The following ADGB variants were observed in gnomAD, a reference collection of about 807,000 sequenced individuals.
ADGB encodes the protein calpain-7-like protein.
A neutral mutation model predicts 210.5 loss-of-function variants in ADGB; 172 were observed. The observed-to-expected ratio is 0.82, with a 90% CI of 0.72 to 0.93. The LOEUF is 0.93. Among genes scored for constraint, ADGB ranks in the 40% least tolerant of loss-of-function variants. ADGB has a pLI of 0.00. For synonymous variants in ADGB, 658 were observed against 662.7 expected (o/e 0.99, Z 0.11); for missense variants, 2,025 against 1,964.8 (o/e 1.03, Z -0.58).
chr6:146,722,883 C>T (rs1381776329), intron 17 of ADGB, among the ~76,000 whole-genome samples: 1 of 152,174 alleles, frequency 6.6e-6, no homozygotes, highest in Non-Finnish European at 1.5e-5. Context: ...CCCTTGCATA[C>T]ACACGCACAC....
rs71031008 is a variant in ADGB at position 146,738,438 on chromosome 6, C to CTTT, written c.2888+1875_2888+1877dup. 2.2e-3 allele frequency among the ~76,000 whole-genome samples: 159 copies of CTTT among 71,390 alleles called. 7 individuals carry two copies. The highest frequency in any genetic ancestry group is 5.9e-3 in the African/African-American group (121 of 20,380). 46.8% of individuals were successfully genotyped at this position (71,390 alleles called of 152,430 possible). ...GAATCCCATTCGAATCCCATTTCAT[C>CTTT]TTTTTTTTTTTTTTTTTTTTTTTTT... is the stretch of plus-strand genomic sequence containing the variant. On this transcript the variant is annotated intron_variant, in intron 23 of 35. Transcript: ENST00000397944.
chr6:146,733,312 T>A, intron 21 of ADGB, 57 bp downstream of exon 21: 1 of 1,402,634 alleles, frequency 7.1e-7, no homozygotes, highest in Non-Finnish European at 9.5e-7. Context: ...GTAAGGTAAA[T>A]AATTTAAGAA....
chr6:146,661,076 A>G (rs912510992), intron 5 of ADGB, among the ~76,000 whole-genome samples: 1 of 150,978 alleles, frequency 6.6e-6, no homozygotes, highest in Admixed American at 6.6e-5. Flanking sequence ...ATATACATGC[A>G]TAGCTTATCA....
intron 30 of ADGB, among the ~76,000 whole-genome samples, chr6:146,782,591 T>C (rs1279112848): frequency 6.6e-6 from 1 of 151,962 alleles, no homozygotes; most frequent in South Asian, 2.1e-4. Flanking sequence ...AACTGAGTTC[T>C]GAACCGAGTT....
At chr6:146,801,161 T>A in intron 33 of ADGB, 22 bp from the exon 34 acceptor site, 2 of 1,354,260 alleles carry the variant, frequency 1.5e-6, no homozygotes, top group Admixed American at 2.8e-5. Context: ...GGTTTTTTGT[T>A]GTGTGTGTGT....
intron 27 of ADGB, among the ~76,000 whole-genome samples, chr6:146,754,388 A>G (rs961377244): frequency 6.6e-6 from 1 of 151,602 alleles, no homozygotes; most frequent in Non-Finnish European, 1.5e-5. Context: ...GTCAATATTT[A>G]TATTTATCTT....
intron 7 of ADGB, among the ~76,000 whole-genome samples, chr6:146,667,855 A>G (rs1193033141): frequency 6.6e-6 from 1 of 152,040 alleles, no homozygotes; most frequent in Non-Finnish European, 1.5e-5. Flanking sequence ...TTAATCATCC[A>G]TATGACCCCA....
chr6:146,760,426 A>G (rs1242642489), intron 27 of ADGB, among the ~76,000 whole-genome samples: 1 of 147,452 alleles, frequency 6.8e-6, no homozygotes, highest in African/African-American at 2.5e-5. Flanking sequence ...GTTATTGCAT[A>G]TAACACTATT....
chr6:146,726,341 G>GC (rs895981846), intron 19 of ADGB, 144 bp downstream of exon 19: 2 of 513,184 alleles, frequency 3.9e-6, no homozygotes, highest in Non-Finnish European at 3.5e-6. Flanking sequence ...CCTTGCCTCA[G>GC]CCCCCCAAGT....
intron 3 of ADGB, among the ~76,000 whole-genome samples, chr6:146,651,067 C>T (rs1773148724): frequency 6.6e-6 from 1 of 152,196 alleles, no homozygotes; most frequent in Non-Finnish European, 1.5e-5. Flanking sequence ...CCAGATGTTG[C>T]TTTCCTCACA....
chr6:146,617,576 T>C (rs552145080), intron 1 of ADGB, among the ~76,000 whole-genome samples: 1 of 152,216 alleles, frequency 6.6e-6, no homozygotes, highest in East Asian at 1.9e-4. Flanking sequence ...TAGCTGTGGG[T>C]TTGTTATATG....
chr6:146,806,235 T>C (rs935254714), intron 35 of ADGB, among the ~76,000 whole-genome samples: 28 of 152,244 alleles, frequency 1.8e-4, no homozygotes, highest in African/African-American at 5.5e-4. Flanking sequence ...CATTCATTTA[T>C]GTGAGAGGCA....
intron 33 of ADGB, among the ~76,000 whole-genome samples, chr6:146,793,232 C>A (rs259398): frequency 0.55 from 76,101 of 137,428 alleles, 19,976 homozygotes; most frequent in Admixed American, 0.65. Flanking sequence ...CTGATTGGTG[C>A]GTTTTACAGA....
At chr6:146,777,210 A>C (rs1191021049) in intron 29 of ADGB, among the ~76,000 whole-genome samples, 2 of 152,102 alleles carry the variant, frequency 1.3e-5, no homozygotes, top group East Asian at 3.9e-4. Flanking sequence ...AGGTTCTTTG[A>C]ACTTGTATTT....
At chr6:146,814,582 A>C (rs747055438) in intron 35 of ADGB, among the ~76,000 whole-genome samples, 24 of 152,214 alleles carry the variant, frequency 1.6e-4, no homozygotes, top group Non-Finnish European at 2.1e-4. Context: ...AGCTGACAAG[A>C]GCAAAGTAAC....
intron 30 of ADGB, among the ~76,000 whole-genome samples, chr6:146,782,688 G>T (rs1252369047): frequency 1.3e-5 from 2 of 152,098 alleles, no homozygotes; most frequent in Non-Finnish European, 2.9e-5. Context: ...GGGTCAGTAA[G>T]GGTCAGCTGG....
intron 35 of ADGB, among the ~76,000 whole-genome samples, chr6:146,812,757 G>T (rs1361876311): frequency 6.6e-6 from 1 of 152,196 alleles, no homozygotes; most frequent in Admixed American, 6.5e-5. Flanking sequence ...AGTTTTCAAT[G>T]ACATGCCCTT....
chr6:146,642,152 G>GA (rs1480360878), intron 2 of ADGB, among the ~76,000 whole-genome samples: 1 of 151,566 alleles, frequency 6.6e-6, no homozygotes, highest in African/African-American at 2.4e-5. Flanking sequence ...ACAAGCATAT[G>GA]AAAAAAAGCT....
Position 146,664,304 on chromosome 6 carries a change from T to G in ADGB, c.716T>G (p.Leu239Arg), listed in dbSNP as rs1201279131. 2 of 1,549,792 alleles carry G rather than the reference T, an allele frequency of 1.3e-6. No homozygotes were observed. The highest frequency in any genetic ancestry group is 1.7e-6 in the Non-Finnish European group (2 of 1,146,026). The change falls in exon 6 of 36, where the codon CTT becomes CGT. Residue 239 changes from leucine to arginine, a missense_variant. By Grantham distance (102) the Leu-to-Arg change is moderately radical. Transcript: ENST00000397944. ...TATGAATTTGAACTGTGGCCAATGC[T>G]TTTGTCTAAAGCTATTATCAAGCTG... ...TTYEFELWPMLLSKAIIKLAN... is the reference protein window; with the variant it reads ...TTYEFELWPMRLSKAIIKLAN...
Sources: allele counts gnomAD v4.1 joint callset (sites outside exome capture counted in the v4.1 genomes callset), GRCh38; gene constraint gnomAD v4.1.1; transcripts MANE v1.5; gene names NCBI Gene and HGNC (gene_info 2026-07-23, HGNC 2026-07-21).